The following AREL1 variants were observed in gnomAD, a reference collection of about 807,000 sequenced individuals.
AREL1 encodes apoptosis resistant E3 ubiquitin protein ligase 1, also known as apoptosis-resistant E3 ubiquitin protein ligase 1.
In AREL1, 62 loss-of-function variants were observed where a neutral mutation model predicts 99.0. The ratio of observed to expected loss-of-function variants is 0.63; its 90% confidence interval spans 0.51 to 0.77. The LOEUF is 0.77. Among genes scored for constraint, AREL1 ranks in the 30% least tolerant of loss-of-function variants. The probability of loss-of-function intolerance (pLI) is 0.00; values close to 1 mark genes in which losing one functional copy is unlikely to be tolerated. For missense variants in AREL1, 879 were observed against 1,027.6 expected (o/e 0.86, Z 1.98); for synonymous variants, 380 against 376.5 (o/e 1.01, Z -0.11).
chr14:74,667,548 G>A lies in AREL1; in HGVS notation c.1961C>T (p.Ala654Val), dbSNP rs373923208. 3.1e-6 allele frequency: 5 copies of A among 1,613,696 alleles called. No homozygotes were observed. Among genetic ancestry groups the A allele is most frequent in the East Asian group, 2.2e-5 (1 of 44,884 alleles). The change falls in exon 16 of 20, where the codon GCG becomes GTG. Residue 654 changes from alanine (A) to valine (V), a missense_variant. Coordinates refer to ENST00000356357, the MANE Select transcript of AREL1 (RefSeq NM_001039479.2). ...CAAATTTAAATAGAAGATTTTATTCGCATTGGTGACTGGAGTTTGAGCTCC... is the reference window on the plus strand; with the variant it reads ...CAAATTTAAATAGAAGATTTTATTCACATTGGTGACTGGAGTTTGAGCTCC... ...TGGAQTPVTN[A>V]NKIFYLNLLA...
chr14:74,669,196 A>G (rs1442713868), intron 15 of AREL1, among the ~76,000 whole-genome samples: 1 of 152,222 alleles, frequency 6.6e-6, no homozygotes, highest in African/African-American at 2.4e-5. Context: ...GCGCCCAGCC[A>G]AAAAGTTTAA....
intron 13 of AREL1, 28 bp from the exon 14 acceptor site, chr14:74,670,154 T>G: frequency 6.4e-7 from 1 of 1,550,706 alleles, no homozygotes; most frequent in Non-Finnish European, 8.7e-7. Flanking sequence ...TGAAAGGCCC[T>G]GGGCCATTTT....
intron 12 of AREL1, 139 bp from the exon 13 acceptor site, chr14:74,671,010 C>T (rs771705258): frequency 1.7e-5 from 11 of 656,892 alleles, no homozygotes; most frequent in Non-Finnish European, 2.8e-5. Context: ...CTCATCTAAA[C>T]TGTGGTCCTT....
chr14:74,689,592 C>CTTTTT (rs1057362002), intron 2 of AREL1, among the ~76,000 whole-genome samples: 82 of 98,348 alleles, frequency 8.3e-4, no homozygotes, highest in African/African-American at 1.6e-3. Flanking sequence ...TAGCACTTTT[C>CTTTTT]TTTTTTTTTT....
rs753393793 is a variant in AREL1 at position 74,683,296 on chromosome 14, C to G, written c.481G>C (p.Gly161Arg). 1.9e-6 allele frequency: 3 copies of G among 1,607,122 alleles called. No homozygotes were observed. The highest frequency in any genetic ancestry group is 1.3e-5 in the African/African-American group (1 of 74,676). The change falls in exon 5 of 20, where the codon GGA (glycine) becomes CGA (arginine). Residue 161 changes from glycine to arginine, a missense_variant and splice_region_variant. Physicochemically the swap from Gly to Arg is moderately radical, Grantham distance 125. Transcript: ENST00000356357. ...AAAAAGAAAGGAAAAAAGAACCTAC[C>G]AGGTTGAAAAATTTTGTAGTAGGGA... ...YSPYYKIFQP[G>R]MVVPSKTKIV...
At chr14:74,677,059 A>G (rs1202620328) in intron 5 of AREL1, among the ~76,000 whole-genome samples, 6 of 151,278 alleles carry the variant, frequency 4.0e-5, no homozygotes, top group African/African-American at 1.5e-4. Flanking sequence ...TTGGCCTCCC[A>G]AAGTGCTGGG....
Position 74,712,988 on chromosome 14 carries a change from C to T in AREL1, c.-389G>A, listed in dbSNP as rs1467192896. Reference sequence around the variant, plus strand: ...CCACCTCCGCTGTCCTGGGAAGGGGCGGCAGCACTCAGCAGAAGACGGGCT... The same window carrying T: ...CCACCTCCGCTGTCCTGGGAAGGGGTGGCAGCACTCAGCAGAAGACGGGCT... On this transcript the variant is annotated 5_prime_UTR_variant, in exon 1 of 20. Coordinates refer to ENST00000356357, the MANE Select transcript of AREL1 (RefSeq NM_001039479.2). The T allele has an allele frequency of 5.1e-6, 4 of 779,738 alleles. No homozygotes were observed. The highest frequency in any genetic ancestry group is 4.0e-5 in the Admixed American group (2 of 50,010). The allele number at this position is 779,738 out of a possible 1,614,324, so 48.3% of individuals were successfully genotyped here. A position where few individuals can be genotyped will look rare whatever the true frequency, so the allele number is the denominator to read the frequency against.
chr14:74,678,134 A>G, intron 5 of AREL1: 1 of 448,692 alleles, frequency 2.2e-6, no homozygotes, highest in Non-Finnish European at 4.4e-6. Context: ...GAACTAGAAT[A>G]CTAAAACAAT....
intron 9 of AREL1, among the ~76,000 whole-genome samples, 171 bp from the exon 10 acceptor site, chr14:74,673,389 C>G (rs1160499566): frequency 6.6e-6 from 1 of 152,158 alleles, no homozygotes; most frequent in Non-Finnish European, 1.5e-5. Flanking sequence ...ATTTACATTT[C>G]AACATTTAAA....
At chr14:74,681,295 AG>A (rs1260345521) in intron 5 of AREL1, among the ~76,000 whole-genome samples, 2 of 152,346 alleles carry the variant, frequency 1.3e-5, no homozygotes, top group East Asian at 3.9e-4. Flanking sequence ...ACTACTCAGC[AG>A]TAAAAAGGAA....
intron 1 of AREL1, among the ~76,000 whole-genome samples, chr14:74,692,816 G>A (rs528199339): frequency 2.0e-5 from 3 of 152,094 alleles, no homozygotes; most frequent in Admixed American, 6.6e-5. Flanking sequence ...CGATCCTCCC[G>A]CCTCAGCCTC....
chr14:74,707,863 G>T (rs181528132), intron 1 of AREL1, among the ~76,000 whole-genome samples: 1 of 140,218 alleles, frequency 7.1e-6, no homozygotes. Flanking sequence ...AGGCTGAGGC[G>T]GGAGAATGGC....
rs556785064 is a variant in AREL1 at position 74,706,918 on chromosome 14, T to C, written c.-334+6015A>G. ...GTCAACTCTTCCATAGAGTTAACAA[T>C]GCTTTGGGGGTCAAGGAATACAAAA... On this transcript the variant is annotated intron_variant, in intron 1 of 19. Coordinates refer to ENST00000356357, the MANE Select transcript of AREL1 (RefSeq NM_001039479.2). 1.2e-4 allele frequency among the ~76,000 whole-genome samples: 18 copies of C among 152,338 alleles called. No individual in the cohort carries two copies. The South Asian group carries it at 3.7e-3, about 32-fold the overall frequency.
At chr14:74,687,767 AT>A (rs1469198758) in intron 2 of AREL1, among the ~76,000 whole-genome samples, 2 of 152,144 alleles carry the variant, frequency 1.3e-5, no homozygotes, top group African/African-American at 4.8e-5. Flanking sequence ...GATTATTACA[AT>A]TATTATCAAT....
intron 5 of AREL1, among the ~76,000 whole-genome samples, chr14:74,678,015 A>C (rs182265124): frequency 7.9e-5 from 12 of 152,332 alleles, no homozygotes; most frequent in Admixed American, 3.9e-4. Flanking sequence ...ACAGATGTCA[A>C]TTTTCCCCAA....
chr14:74,663,758 C>G lies in AREL1; in HGVS notation c.2434G>C (p.Ala812Pro). The change falls in exon 20 of 20, where the codon GCC becomes CCC. Residue 812 changes from alanine (A) to proline (P), a missense_variant. Physicochemically the swap from Ala to Pro is conservative, Grantham distance 27. Coordinates refer to ENST00000356357, the MANE Select transcript of AREL1 (RefSeq NM_001039479.2). The part of the protein sequence containing the change: ...YEEVHRMLQL[A>P]ISEGCEGFGM... ...AAGCCCTCGCAACCCTCGCTGATGG[C>G]CAGCTGCAGCATCCTGTGCACCTCT... 1 of 1,614,120 alleles carries G rather than the reference C, an allele frequency of 6.2e-7. No individual in the cohort carries two copies. Among genetic ancestry groups the G allele is most frequent in the Non-Finnish European group, 8.5e-7 (1 of 1,180,022 alleles).
chr14:74,685,756 A>ACT lies in AREL1; in HGVS notation c.-45-98_-45-97dup, dbSNP rs1276150580. ...AAGAGTGTATGGCGTGAGCCAAACA[A>ACT]CTCTCTCTAGTCCAGAGCCTTACTA... On this transcript the variant is annotated intron_variant, in intron 2 of 19. Coordinates refer to ENST00000356357, the MANE Select transcript of AREL1 (RefSeq NM_001039479.2). The ACT allele has an allele frequency of 4.9e-6, 5 of 1,029,982 alleles. No individual in the cohort carries two copies. In the Admixed American group the frequency reaches 6.9e-5, roughly 14 times the overall value. The allele number at this position is 1,029,982 out of a possible 1,614,324, so 63.8% of individuals were successfully genotyped here.
In AREL1 at chr14:74,676,811, T is replaced by C; in HGVS notation, c.482-59A>G. ...TATTTTATTTTTTTATTTTTATTTT[T>C]TTTGAGATGGAGTCTCGCTCTTTCG... On this transcript the variant is annotated intron_variant, in intron 5 of 19. Transcript: ENST00000356357. 5 of 1,329,836 alleles carry C rather than the reference T, an allele frequency of 3.8e-6. No homozygotes were observed. In the South Asian group the frequency reaches 7.4e-5, roughly 20 times the overall value. The allele number at this position is 1,329,836 out of a possible 1,614,324, so 82.4% of individuals were successfully genotyped here.
Position 74,689,945 on chromosome 14 carries a change from A to G in AREL1, c.-46+2096T>C, listed in dbSNP as rs575662746. ...GTTTTTTCATTTTAGAGTGGTAATG[A>G]GTAGTCTTAAAAATCCTCCAGGCTG... On this transcript the variant is annotated intron_variant, in intron 2 of 19. Transcript: ENST00000356357. Among the ~76,000 whole-genome samples the G allele has an allele frequency of 2.6e-5, 4 of 151,592 alleles. No individual in the cohort carries two copies. The South Asian group carries it at 6.3e-4, about 24-fold the overall frequency.
Sources: gnomAD v4.1 joint callset for allele counts (sites outside exome capture counted in the v4.1 genomes callset) on GRCh38, gnomAD v4.1.1 for gene constraint, MANE v1.5 for transcripts, NCBI Gene and HGNC (gene_info 2026-07-23, HGNC 2026-07-21) for gene names.